NMUR1: variants seen among roughly 807,000 people sequenced by gnomAD.
The protein encoded by NMUR1 is neuromedin-U receptor 1.
A neutral mutation model predicts 18.8 loss-of-function variants in NMUR1; 16 were observed. That is an observed-to-expected ratio of 0.85 (90% CI 0.58 to 1.29). NMUR1 has a LOEUF of 1.29. NMUR1 is among the 50% of genes most tolerant of loss of function. The pLI is 0.00. For missense variants in NMUR1, 529 were observed against 580.3 expected (o/e 0.91, Z 0.91); for synonymous variants, 258 against 258.2 (o/e 1.00, Z 0.01).
Position 231,528,474 on chromosome 2 carries a change from C to G in NMUR1, c.547G>C (p.Gly183Arg). 1 of 1,613,680 alleles carries G rather than the reference C, an allele frequency of 6.2e-7. No homozygotes were observed. Among genetic ancestry groups the G allele is most frequent in the Non-Finnish European group, 8.5e-7 (1 of 1,180,032 alleles). Residue 183 changes from glycine to arginine, a missense_variant, in exon 2 of 3, where the codon GGG (glycine) becomes CGG (arginine). Coordinates refer to ENST00000305141, the MANE Select transcript of NMUR1 (RefSeq NM_006056.5). Reference sequence around the variant, plus strand: ...AGCATGGCAAGACCCCAGACGGCCCCAAGCACTCGGCGCACATGGGCCCGC... The same window carrying G: ...AGCATGGCAAGACCCCAGACGGCCCGAAGCACTCGGCGCACATGGGCCCGC... ...VTRAHVRRVL[G>R]AVWGLAMLCS...
At chr2:231,530,162 G>A (rs1364476532) in intron 1 of NMUR1, among the ~76,000 whole-genome samples, 197 bp downstream of exon 1, 1 of 152,180 alleles carries the variant, frequency 6.6e-6, no homozygotes, top group East Asian at 1.9e-4. Context: ...TCGAGGAAGG[G>A]TCGCAAGCCC....
downstream of NMUR1, among the ~76,000 whole-genome samples, chr2:231,518,831 T>G (rs1473651932): frequency 6.6e-6 from 1 of 152,186 alleles, no homozygotes; most frequent in Non-Finnish European, 1.5e-5. Context: ...TGTCCAGTGT[T>G]CATTCTGCCT....
chr2:231,526,958 T>C (rs1322711636), intron 2 of NMUR1, among the ~76,000 whole-genome samples: 1 of 152,192 alleles, frequency 6.6e-6, no homozygotes, highest in Non-Finnish European at 1.5e-5. Flanking sequence ...GCCTCTGGCC[T>C]GATCCCCTGT....
Position 231,528,642 on chromosome 2 carries a change from A to AG in NMUR1, c.378dup (p.Phe127LeufsTer16). On this transcript the variant is annotated frameshift_variant, in exon 2 of 3. Coordinates refer to ENST00000305141, the MANE Select transcript of NMUR1 (RefSeq NM_006056.5). LOFTEE classifies it high-confidence loss of function. ...TAGCAGCCACCAACGCCCAGCAGGA[A>AG]GGGGTAGTTGTGCCACATCTCATAG... 6.2e-7 allele frequency: 1 copy of AG among 1,614,232 alleles called. No individual in the cohort carries two copies. The highest frequency in any genetic ancestry group is 8.5e-7 in the Non-Finnish European group (1 of 1,180,046).
chr2:231,526,153 C>T (rs2047354768), intron 2 of NMUR1, among the ~76,000 whole-genome samples: 1 of 152,000 alleles, frequency 6.6e-6, no homozygotes, highest in Non-Finnish European at 1.5e-5. Context: ...CTCCCCAAAT[C>T]CCTCCTGCCT....
Position 231,528,627 on chromosome 2 carries a change from C to T in NMUR1, c.394G>A (p.Gly132Ser), listed in dbSNP as rs777389494. The change falls in exon 2 of 3, where the codon GGT (glycine) becomes AGT (serine). Residue 132 changes from glycine (G) to serine (S), a missense_variant. Gly to Ser is a moderately conservative substitution (Grantham distance 56). Coordinates refer to ENST00000305141, the MANE Select transcript of NMUR1 (RefSeq NM_006056.5). The part of the protein sequence containing the change: ...WHNYPFLLGV[G>S]GCYFRTLLFE... ...AGTAGCGTGCGGAAATAGCAGCCAC[C>T]AACGCCCAGCAGGAAGGGGTAGTTG... The T allele has an allele frequency of 1.2e-6, 2 of 1,614,230 alleles. No homozygotes were observed. The highest frequency in any genetic ancestry group is 4.5e-5 in the East Asian group (2 of 44,892).
rs764681397 is a variant in NMUR1 at position 231,528,582 on chromosome 2, C to T, written c.439G>A (p.Ala147Thr). ...RTLLFEMVCL[A>T]SVLNVTALSV... The stretch of plus-strand genomic sequence containing the variant: ...AGGGCAGTGACGTTGAGCACTGAGG[C>T]CAGGCAGACCATCTCAAACAGTAGC... The change falls in exon 2 of 3, where the codon GCC (alanine) becomes ACC (threonine). Residue 147 changes from alanine to threonine, a missense_variant. By Grantham distance (58) the Ala-to-Thr change is moderately conservative. Transcript: ENST00000305141. 1.2e-6 allele frequency: 2 copies of T among 1,614,012 alleles called. No homozygotes were observed. The highest frequency in any genetic ancestry group is 1.7e-6 in the Non-Finnish European group (2 of 1,180,048).
At chr2:231,522,719 G>A (rs545257484), downstream of NMUR1, among the ~76,000 whole-genome samples, 20 of 147,812 alleles carry the variant, frequency 1.4e-4, no homozygotes, top group South Asian at 3.1e-3. Flanking sequence ...AACCACCTCC[G>A]CCAACCAGCC....
At chr2:231,530,229 TC>T in intron 1 of NMUR1, 129 bp downstream of exon 1, 2 of 1,140,020 alleles carry the variant, frequency 1.8e-6, no homozygotes, top group Admixed American at 2.9e-5. Context: ...GTTGCGAGGC[TC>T]CCCGGTGGCG....
In NMUR1 at chr2:231,528,359, A is replaced by G; in HGVS notation, c.662T>C (p.Leu221Pro). 6.2e-7 allele frequency: 1 copy of G among 1,613,756 alleles called. No homozygotes were observed. The highest frequency in any genetic ancestry group is 8.5e-7 in the Non-Finnish European group (1 of 1,179,890). ...GTTGTAGAGGGCCCGTGGGCGGACC[A>G]GCATGCAAACAGCTGAGTCTGGCAC... ...GPVPDSAVCM[L>P]VRPRALYNMV... The change falls in exon 2 of 3, where the codon CTG (leucine) becomes CCG (proline). Residue 221 changes from leucine to proline, a missense_variant. Coordinates refer to ENST00000305141, the MANE Select transcript of NMUR1 (RefSeq NM_006056.5).
At position 231,528,261 on chromosome 2, in the gene NMUR1, T is replaced by C; in HGVS notation, c.760A>G (p.Ile254Val). The C allele has an allele frequency of 1.2e-6, 2 of 1,613,990 alleles. No individual in the cohort carries two copies. Among genetic ancestry groups the C allele is most frequent in the Non-Finnish European group, 1.7e-6 (2 of 1,179,982 alleles). Reference protein sequence around the residue: ...MAIMSVLYLLIGLRLRRERLL... With the variant: ...MAIMSVLYLLVGLRLRRERLL... ...CTCTCCCGCCGCAGTCGCAGCCCAA[T>C]GAGCAGGTAGAGCACGCTCATGATG... The change falls in exon 2 of 3, where the codon ATT (isoleucine) becomes GTT (valine). Residue 254 changes from isoleucine to valine, a missense_variant. Physicochemically the swap from Ile to Val is conservative, Grantham distance 29. Coordinates refer to ENST00000305141, the MANE Select transcript of NMUR1 (RefSeq NM_006056.5).
rs1443295049 is a variant in NMUR1 at position 231,524,113 on chromosome 2, T to G, written c.*930A>C. On this transcript the variant is annotated 3_prime_UTR_variant, in exon 3 of 3. Transcript: ENST00000305141. ...AAGATGCAGATAATAACTTCCGCCC[T>G]TTCAGTCTGAGGGTATTGTTGGTTT... The G allele has an allele frequency of 6.6e-6, 1 of 152,250 alleles. No homozygotes were observed. The highest frequency in any genetic ancestry group is 1.5e-5 in the Non-Finnish European group (1 of 68,050). The allele number at this position is 152,250 out of a possible 1,614,324, so 9.4% of individuals were successfully genotyped here.
chr2:231,521,679 C>T (rs2047304915), downstream of NMUR1, among the ~76,000 whole-genome samples: 1 of 152,118 alleles, frequency 6.6e-6, no homozygotes, highest in South Asian at 2.1e-4. Flanking sequence ...ATGGTGACCT[C>T]AGTCGGAAGG....
Position 231,528,249 on chromosome 2 carries a change from G to A in NMUR1, c.772C>T (p.Leu258=). The part of the protein sequence containing the change: ...SVLYLLIGLR[L]RRERLLLMQE... ...ATGAGCAGCAGCCTCTCCCGCCGCAGTCGCAGCCCAATGAGCAGGTAGAGC... is the reference window on the plus strand; with the variant it reads ...ATGAGCAGCAGCCTCTCCCGCCGCAATCGCAGCCCAATGAGCAGGTAGAGC... The change falls in exon 2 of 3, where the codon CTG becomes TTG. Residue 258 remains leucine (L), a synonymous_variant. Coordinates refer to ENST00000305141, the MANE Select transcript of NMUR1 (RefSeq NM_006056.5). 1 of 1,613,998 alleles carries A rather than the reference G, an allele frequency of 6.2e-7. No individual in the cohort carries two copies. Among genetic ancestry groups the A allele is most frequent in the Non-Finnish European group, 8.5e-7 (1 of 1,179,978 alleles).
intron 2 of NMUR1, among the ~76,000 whole-genome samples, chr2:231,527,546 T>C (rs1428454496): frequency 1.4e-5 from 2 of 145,986 alleles, no homozygotes; most frequent in Admixed American, 1.4e-4. Context: ...GGAGGCTGAG[T>C]GAGGTAGGAG....
chr2:231,521,931 C>T (rs1432346104), downstream of NMUR1, among the ~76,000 whole-genome samples: 1 of 149,112 alleles, frequency 6.7e-6, no homozygotes, highest in Non-Finnish European at 1.5e-5. Context: ...GCTGCGGAGA[C>T]ATACATGGTG....
rs751213502 is a variant in NMUR1, at chr2:231,523,909, T to C, written c.*1134A>G. The C allele has an allele frequency of 1.2e-4, 19 of 152,536 alleles. No individual in the cohort carries two copies. Among genetic ancestry groups the C allele is most frequent in the Non-Finnish European group, 2.3e-4 (16 of 68,088 alleles). The allele number at this position is 152,536 out of a possible 1,614,324, so 9.4% of individuals were successfully genotyped here. A position where few individuals can be genotyped will look rare whatever the true frequency, so the allele number is the denominator to read the frequency against. On this transcript the variant is annotated 3_prime_UTR_variant, in exon 3 of 3. Coordinates refer to ENST00000305141, the MANE Select transcript of NMUR1 (RefSeq NM_006056.5). ...ATGTCTCTTGCCCTCAGAGACCCTC[T>C]GGCCAGCCAAGTCCAATGCTCTGCT... is the stretch of plus-strand genomic sequence containing the variant.
downstream of NMUR1, among the ~76,000 whole-genome samples, chr2:231,522,798 T>C (rs1049847749): frequency 8.5e-5 from 13 of 152,114 alleles, no homozygotes; most frequent in African/African-American, 2.9e-4. Context: ...TCTCCCATTG[T>C]CCTCAGTGTC....
intron 2 of NMUR1, among the ~76,000 whole-genome samples, chr2:231,527,265 A>G (rs4973003): frequency 0.28 from 42,537 of 152,188 alleles, 6,586 homozygotes; most frequent in East Asian, 0.5. Flanking sequence ...AAGGAAAGAC[A>G]GCAGTTCCTC....
Sources: allele counts gnomAD v4.1 joint callset (sites outside exome capture counted in the v4.1 genomes callset), GRCh38; gene constraint gnomAD v4.1.1; transcripts MANE v1.5; gene names NCBI Gene and HGNC (gene_info 2026-07-23, HGNC 2026-07-21).